PPP1R12B: variants seen among roughly 807,000 people sequenced by gnomAD.
PPP1R12B encodes protein phosphatase 1 regulatory subunit 12B.
A neutral mutation model predicts 126.1 loss-of-function variants in PPP1R12B; 76 were observed. The ratio of observed to expected loss-of-function variants is 0.60; its 90% CI spans 0.50 to 0.73. The LOEUF (loss-of-function observed/expected upper bound fraction) is 0.73, where lower values mean the gene tolerates loss of function less well. Ranked by LOEUF, PPP1R12B falls within the 30% of genes least tolerant of loss-of-function variation. The pLI, the probability that PPP1R12B is intolerant of heterozygous loss-of-function variation, is 0.00. For missense variants in PPP1R12B, 1,052 were observed against 1,205.1 expected (o/e 0.87, Z 1.88); for synonymous variants, 356 against 434.7 (o/e 0.82, Z 2.25).
chr1:202,517,028 A>C (rs752610752), intron 18 of PPP1R12B, among the ~76,000 whole-genome samples: 7 of 152,204 alleles, frequency 4.6e-5, no homozygotes, highest in Non-Finnish European at 8.8e-5. Flanking sequence ...TTACTTGTTT[A>C]CAAAATGTTT....
At chr1:202,498,731 T>C (rs1679857555) in intron 18 of PPP1R12B, among the ~76,000 whole-genome samples, 1 of 152,178 alleles carries the variant, frequency 6.6e-6, no homozygotes, top group Non-Finnish European at 1.5e-5. Flanking sequence ...TCCATTTTCA[T>C]CCTTCAGGCA....
intron 18 of PPP1R12B, among the ~76,000 whole-genome samples, chr1:202,538,443 A>G (rs1684775572): frequency 6.6e-6 from 1 of 152,256 alleles, no homozygotes; most frequent in African/African-American, 2.4e-5. Flanking sequence ...ACTCTTTTCA[A>G]CCTATATTCC....
intron 1 of PPP1R12B, among the ~76,000 whole-genome samples, chr1:202,374,056 GT>G (rs1294885789): frequency 6.6e-6 from 1 of 152,160 alleles, no homozygotes; most frequent in East Asian, 1.9e-4. Context: ...TGCTTTAAAA[GT>G]GACAGTTATC....
intron 18 of PPP1R12B, among the ~76,000 whole-genome samples, chr1:202,552,196 T>A (rs1686400661): frequency 6.6e-6 from 1 of 152,220 alleles, no homozygotes; most frequent in African/African-American, 2.4e-5. Flanking sequence ...TACTGTCACA[T>A]CTTTGCATAA....
intron 6 of PPP1R12B, among the ~76,000 whole-genome samples, chr1:202,430,380 A>C (rs2148659809): frequency 6.6e-6 from 1 of 152,264 alleles, no homozygotes; most frequent in African/African-American, 2.4e-5. Context: ...TTCTTTAGAA[A>C]TATTGCCAAC....
intron 9 of PPP1R12B, 49 bp downstream of exon 9, chr1:202,434,817 T>C: frequency 6.2e-7 from 1 of 1,603,694 alleles, no homozygotes. Context: ...CCTACTGCAG[T>C]AGCACACATC....
intron 13 of PPP1R12B, among the ~76,000 whole-genome samples, chr1:202,476,518 A>G (rs1676691010): frequency 6.6e-6 from 1 of 151,736 alleles, no homozygotes; most frequent in Non-Finnish European, 1.5e-5. Flanking sequence ...ACACCGCTCT[A>G]CTAAAAATAC....
chr1:202,495,515 C>T (rs1455882069), intron 16 of PPP1R12B, 33 bp downstream of exon 16: 2 of 1,609,046 alleles, frequency 1.2e-6, no homozygotes, highest in Non-Finnish European at 1.7e-6. Context: ...CAGGCCCCTC[C>T]ACAGTGCACA....
chr1:202,585,751 C>G lies in PPP1R12B; in HGVS notation c.*5191C>G, dbSNP rs970712426. 1.6e-4 allele frequency: 25 copies of G among 152,212 alleles called. No homozygotes were observed. Among genetic ancestry groups the G allele is most frequent in the African/African-American group, 6.0e-4 (25 of 41,456 alleles). The allele number at this position is 152,212 out of a possible 1,614,324, so 9.4% of individuals were successfully genotyped here. A position where few individuals can be genotyped will look rare whatever the true frequency, so the allele number is the denominator to read the frequency against. ...GGGTAATTGAATGATGTTGCAATGG[C>G]TTTCCCTCCTGCTGGCTTGGTAAGA... On this transcript the variant is annotated 3_prime_UTR_variant, in exon 24 of 24. Transcript: ENST00000608999.
chr1:202,575,366 C>A, intron 23 of PPP1R12B: 2 of 520,348 alleles, frequency 3.8e-6, no homozygotes, highest in Non-Finnish European at 6.6e-6. Context: ...GCTGGGCTAC[C>A]AATATATTCA....
intron 18 of PPP1R12B, among the ~76,000 whole-genome samples, chr1:202,549,116 G>T (rs1192533444): frequency 6.6e-6 from 1 of 152,116 alleles, no homozygotes; most frequent in East Asian, 1.9e-4. Flanking sequence ...AAGAATCAAA[G>T]AAAGCTTCAG....
At chr1:202,363,522 C>T (rs1406109176) in intron 1 of PPP1R12B, among the ~76,000 whole-genome samples, 5 of 152,162 alleles carry the variant, frequency 3.3e-5, no homozygotes, top group Admixed American at 6.6e-5. Flanking sequence ...TTTTGTCTAT[C>T]TCTCCTGGGA....
chr1:202,474,628 G>A (rs1676399554), intron 13 of PPP1R12B, among the ~76,000 whole-genome samples: 2 of 152,116 alleles, frequency 1.3e-5, no homozygotes, highest in Admixed American at 6.5e-5. Flanking sequence ...TTATGAGTTG[G>A]ATCTGGTTTT....
At chr1:202,362,050 A>G (rs184914792) in intron 1 of PPP1R12B, among the ~76,000 whole-genome samples, 13 of 150,306 alleles carry the variant, frequency 8.6e-5, no homozygotes, top group Non-Finnish European at 1.5e-4. Context: ...CGGGCATTTC[A>G]GGGGAGGCAG....
At chr1:202,468,978 T>A (rs1282662815) in intron 13 of PPP1R12B, among the ~76,000 whole-genome samples, 2 of 152,108 alleles carry the variant, frequency 1.3e-5, no homozygotes, top group Admixed American at 6.5e-5. Context: ...TTGAATAGAA[T>A]GAACAAAATG....
intron 18 of PPP1R12B, among the ~76,000 whole-genome samples, chr1:202,511,354 C>T (rs1175819719): frequency 6.6e-6 from 1 of 151,512 alleles, no homozygotes; most frequent in African/African-American, 2.4e-5. Flanking sequence ...GTAGCTGGGA[C>T]TACAGATGCC....
chr1:202,380,681 A>G (rs1662106182), intron 1 of PPP1R12B, among the ~76,000 whole-genome samples: 1 of 152,278 alleles, frequency 6.6e-6, no homozygotes, highest in South Asian at 2.1e-4. Flanking sequence ...TTGGTTACAG[A>G]TTCCAGAGCT....
At chr1:202,482,896 A>G (rs1677586887) in intron 13 of PPP1R12B, among the ~76,000 whole-genome samples, 1 of 152,202 alleles carries the variant, frequency 6.6e-6, no homozygotes, top group African/African-American at 2.4e-5. Context: ...TTAAGTCTCT[A>G]ATCTACTTTG....
chr1:202,502,537 C>T lies in PPP1R12B; in HGVS notation c.2490+5715C>T, dbSNP rs1680344122. 4.5e-6 allele frequency: 4 copies of T among 886,080 alleles called. No homozygotes were observed. In the South Asian group the frequency reaches 2.1e-4, roughly 46 times the overall value. 54.9% of individuals were successfully genotyped at this position (886,080 alleles called of 1,614,324 possible). A position where few individuals can be genotyped will look rare whatever the true frequency, so the allele number is the denominator to read the frequency against. ...TTTAAGCGCCGATTATGATCAAGCA[C>T]TTTTCTAGATTCTGGGGATGCAACA... On this transcript the variant is annotated intron_variant, in intron 18 of 23. Transcript: ENST00000608999.
Sources: gnomAD v4.1 joint callset for allele counts (sites outside exome capture counted in the v4.1 genomes callset) on GRCh38, gnomAD v4.1.1 for gene constraint, MANE v1.5 for transcripts, NCBI Gene and HGNC (gene_info 2026-07-23, HGNC 2026-07-21) for gene names.